Variants in PARP4 observed in about 807,000 individuals in gnomAD.
PARP4 encodes the protein poly(ADP-ribose) polymerase family member 4.
A neutral mutation model predicts 187.7 loss-of-function variants in PARP4; 120 were observed. The ratio of observed to expected loss-of-function variants is 0.64; its 90% CI spans 0.55 to 0.74. The LOEUF is 0.74. Ranked by LOEUF, PARP4 falls within the 30% of genes least tolerant of loss-of-function variation. PARP4 has a pLI of 0.00. For synonymous variants in PARP4, 654 were observed against 740.9 expected (o/e 0.88, Z 1.90); for missense variants, 1,836 against 2,070.5 (o/e 0.89, Z 2.20).
At chr13:24,472,886 C>G (rs1872786549) in intron 15 of PARP4, among the ~76,000 whole-genome samples, 1 of 144,144 alleles carries the variant, frequency 6.9e-6, no homozygotes, top group Non-Finnish European at 1.5e-5. Context: ...CTTTCAACAC[C>G]CTGAGTTTTT....
At chr13:24,474,634 C>T (rs925939470) in intron 15 of PARP4, among the ~76,000 whole-genome samples, 5 of 151,722 alleles carry the variant, frequency 3.3e-5, no homozygotes, top group East Asian at 3.9e-4. Context: ...CTCACAGGTG[C>T]GGCTCCCGCA....
At chr13:24,500,198 T>C (rs1869194988) in intron 4 of PARP4, 118 bp downstream of exon 4, 1 of 496,344 alleles carries the variant, frequency 2.0e-6, no homozygotes. Flanking sequence ...GAGTTAGATA[T>C]GCAAAATAAA....
At position 24,475,452 on chromosome 13, in the gene PARP4, TAAAGCCACAGACAACATACCTG is replaced by T; in HGVS notation, c.1912_1914+19del. 1 of 1,608,386 alleles carries T rather than the reference TAAAGCCACAGACAACATACCTG, an allele frequency of 6.2e-7. No individual in the cohort carries two copies. The highest frequency in any genetic ancestry group is 8.5e-7 in the Non-Finnish European group (1 of 1,175,318). Reference sequence around the variant, plus strand: ...TTACATCCATGTAGTTTAAGTGTCATAAAGCCACAGACAACATACCTGGGCTACAGTGTCTATGATTCTCCCT... The same window carrying T: ...TTACATCCATGTAGTTTAAGTGTCATGGCTACAGTGTCTATGATTCTCCCT... On this transcript the variant is annotated splice_donor_variant and splice_donor_5th_base_variant and coding_sequence_variant and intron_variant, in exon 15 of 34. Coordinates refer to ENST00000381989, the MANE Select transcript of PARP4 (RefSeq NM_006437.4). LOFTEE classifies it high-confidence loss of function.
At chr13:24,483,896 G>C (rs1292949539) in intron 12 of PARP4, among the ~76,000 whole-genome samples, 4 of 152,194 alleles carry the variant, frequency 2.6e-5, no homozygotes, top group Admixed American at 2.6e-4. Context: ...CAAAGTGCTG[G>C]GATTACAGGC....
At chr13:24,448,102 T>C (rs1871304055) in intron 25 of PARP4, among the ~76,000 whole-genome samples, 1 of 152,060 alleles carries the variant, frequency 6.6e-6, no homozygotes, top group Non-Finnish European at 1.5e-5. Context: ...TCCCACCTAC[T>C]TGGGGGATGA....
chr13:24,481,699 G>GA (rs201381489), intron 12 of PARP4, among the ~76,000 whole-genome samples: 1 of 151,782 alleles, frequency 6.6e-6, no homozygotes, highest in Non-Finnish European at 1.5e-5. Flanking sequence ...TCTCAAAAAA[G>GA]AAAAAAAGAA....
chr13:24,491,638 A>G (rs916759108), intron 9 of PARP4, among the ~76,000 whole-genome samples: 2 of 152,180 alleles, frequency 1.3e-5, no homozygotes, highest in African/African-American at 4.8e-5. Flanking sequence ...CCCTGCATGC[A>G]CAGATGAGGG....
Position 24,459,049 on chromosome 13 carries a change from G to T in PARP4, c.2419C>A (p.Gln807Lys), listed in dbSNP as rs1872043784. The T allele has an allele frequency of 1.3e-6, 2 of 1,593,794 alleles. No individual in the cohort carries two copies. The highest frequency in any genetic ancestry group is 2.2e-5 in the South Asian group (2 of 90,316). ...FIFSDTHELK[Q>K]KRTDCKAVIS... ...GAAATCAAAGATGCACTAACCTTTTGTTTCAGTTCATGTGTATCACTGAAA... is the reference window on the plus strand; with the variant it reads ...GAAATCAAAGATGCACTAACCTTTTTTTTCAGTTCATGTGTATCACTGAAA... Residue 807 changes from glutamine (Q) to lysine (K), a missense_variant, in exon 20 of 34, where the codon CAA (glutamine) becomes AAA (lysine). Coordinates refer to ENST00000381989, the MANE Select transcript of PARP4 (RefSeq NM_006437.4).
At chr13:24,460,493 T>TGGGCTCTGCTGCAC (rs1872165135) in intron 17 of PARP4, among the ~76,000 whole-genome samples, 1 of 113,452 alleles carries the variant, frequency 8.8e-6, no homozygotes, top group Admixed American at 8.0e-5. Flanking sequence ...CTCTGCTGCA[T>TGGGCTCTGCTGCAC]GGGTGGGCTC....
chr13:24,468,264 C>T (rs1039436967), intron 17 of PARP4, among the ~76,000 whole-genome samples: 3 of 152,186 alleles, frequency 2.0e-5, no homozygotes, highest in Non-Finnish European at 4.4e-5. Context: ...GTCCACGTCA[C>T]GTCCCTGCTA....
chr13:24,501,915 C>A (rs541504450), intron 2 of PARP4, 81 bp from the exon 3 acceptor site: 3 of 873,676 alleles, frequency 3.4e-6, no homozygotes, highest in African/African-American at 3.4e-5. Context: ...AATTTTCACC[C>A]TTAGAAAGTA....
Position 24,455,029 on chromosome 13 carries a change from GGAT to G in PARP4, c.2743_2745del (p.Ile915del). ...AAAGCGCACTCACCTGTGCCGAACT[GGAT>G]AATATTTACTTTCTGCTTCTCACCC... On this transcript the variant is annotated inframe_deletion, in exon 22 of 34. Coordinates refer to ENST00000381989, the MANE Select transcript of PARP4 (RefSeq NM_006437.4). The G allele has an allele frequency of 6.2e-7, 1 of 1,605,998 alleles. No individual in the cohort carries two copies. Among genetic ancestry groups the G allele is most frequent in the South Asian group, 1.1e-5 (1 of 90,642 alleles).
intron 18 of PARP4, 80 bp downstream of exon 18, chr13:24,459,892 G>T: frequency 8.5e-7 from 1 of 1,169,648 alleles, no homozygotes. Context: ...TTTCTCCCCA[G>T]GCATAAATTC....
At chr13:24,443,493 C>T (rs1291284483) in intron 28 of PARP4, among the ~76,000 whole-genome samples, 157 bp downstream of exon 28, 1 of 151,246 alleles carries the variant, frequency 6.6e-6, no homozygotes, top group African/African-American at 2.4e-5. Flanking sequence ...CCACACACCC[C>T]ACATCCCAGG....
At chr13:24,496,274 G>T (rs1868949545) in intron 6 of PARP4, among the ~76,000 whole-genome samples, 2 of 152,154 alleles carry the variant, frequency 1.3e-5, no homozygotes, top group Non-Finnish European at 2.9e-5. Context: ...GCATTTCAGG[G>T]TACAAGGGTA....
At position 24,470,709 on chromosome 13, in the gene PARP4, G is replaced by T. The variant is rs546043179; in HGVS notation, c.1915-684C>A. On this transcript the variant is annotated intron_variant, in intron 15 of 33. Transcript: ENST00000381989. ...CAATAATAAGGCAAAAATATTTAAT[G>T]ATCTGTAATCAATAATCCAGGGAAG... 2.6e-5 allele frequency among the ~76,000 whole-genome samples: 4 copies of T among 152,080 alleles called. No individual in the cohort carries two copies. The South Asian group carries it at 8.3e-4, about 32-fold the overall frequency.
At chr13:24,434,139 C>T (rs1455196967) in intron 31 of PARP4, among the ~76,000 whole-genome samples, 2 of 152,152 alleles carry the variant, frequency 1.3e-5, no homozygotes, top group Non-Finnish European at 2.9e-5. Flanking sequence ...GTAACATTCA[C>T]CAGCATGAGG....
At chr13:24,471,340 G>A (rs1872721218) in intron 15 of PARP4, among the ~76,000 whole-genome samples, 1 of 152,208 alleles carries the variant, frequency 6.6e-6, no homozygotes, top group Non-Finnish European at 1.5e-5. Flanking sequence ...TTGCGCAGGA[G>A]TCCCCAGACA....
intron 6 of PARP4, among the ~76,000 whole-genome samples, chr13:24,494,992 C>G (rs1207660958): frequency 6.6e-6 from 1 of 152,136 alleles, no homozygotes; most frequent in East Asian, 1.9e-4. Flanking sequence ...CTGCCTCAGC[C>G]TCCTGAGTAG....
Sources: gnomAD v4.1 joint callset for allele counts (sites outside exome capture counted in the v4.1 genomes callset) on GRCh38, gnomAD v4.1.1 for gene constraint, MANE v1.5 for transcripts, NCBI Gene and HGNC (gene_info 2026-07-23, HGNC 2026-07-21) for gene names.